Variants in NBPF26 observed in about 807,000 individuals in gnomAD.
The protein encoded by NBPF26 is NBPF member 26.
NBPF26 carries 79 observed loss-of-function variants against 119.6 expected under a neutral mutation model. The ratio of observed to expected loss-of-function variants is 0.66; its 90% CI spans 0.55 to 0.80. The LOEUF (loss-of-function observed/expected upper bound fraction) is 0.80. NBPF26 is among the 30% of genes least tolerant of loss of function. The pLI is 0.00. For synonymous variants in NBPF26, 299 were observed against 457.7 expected (o/e 0.65, Z 4.43); for missense variants, 800 against 1,198.2 (o/e 0.67, Z 4.91).
chr1:120,765,263 CTTG>C lies in NBPF26; in HGVS notation c.155+1557_155+1559del, dbSNP rs1403245675. ...ATACCTTAGAGTAGGCCACTGAAAT[CTTG>C]TTTAGTCTTTTTGTGGCATTTGGTG... On this transcript the variant is annotated intron_variant, in intron 2 of 29. Transcript: ENST00000620612. Among the ~76,000 whole-genome samples the C allele has an allele frequency of 2.2e-5, 2 of 90,358 alleles. 1 individual carries two copies. Among genetic ancestry groups the C allele is most frequent in the Non-Finnish European group, 4.1e-5 (2 of 48,532 alleles). The allele number at this position is 90,358 out of a possible 152,430, so 59.3% of individuals were successfully genotyped here. A position where few individuals can be genotyped will look rare whatever the true frequency, so the allele number is the denominator to read the frequency against.
chr1:120,734,407 T>C (rs1394676565), intron 1 of NBPF26, among the ~76,000 whole-genome samples: 2 of 91,782 alleles, frequency 2.2e-5, no homozygotes, highest in Non-Finnish European at 4.1e-5. Flanking sequence ...CAATATTTTC[T>C]TTTTTTTTTT....
At chr1:120,783,431 A>G (rs1651387904) in intron 2 of NBPF26, among the ~76,000 whole-genome samples, 1 of 21,564 alleles carries the variant, frequency 4.6e-5, no homozygotes, top group Non-Finnish European at 7.6e-5. Context: ...TCAGTTAACA[A>G]GTCTTGTCAG....
At chr1:120,801,564 TTACTCCTG>T (rs1657666107) in intron 4 of NBPF26, among the ~76,000 whole-genome samples, 1 of 97,518 alleles carries the variant, frequency 1.0e-5, no homozygotes, top group South Asian at 3.0e-4. Context: ...GCTCAGTGGT[TTACTCCTG>T]TAATCCCAGC....
exon 30 of NBPF26, chr1:120,840,358 G>A (rs1553273411): frequency 1.4e-6 from 2 of 1,450,620 alleles, no homozygotes; most frequent in Non-Finnish European, 1.8e-6. Flanking sequence ...AGGCTCAACA[G>A]CATGCTGATG....
At chr1:120,805,628 C>T in exon 5 of NBPF26, 1 of 1,462,564 alleles carries the variant, frequency 6.8e-7, no homozygotes, top group Non-Finnish European at 9.2e-7. Flanking sequence ...AGTGAGAAGG[C>T]AGAGATGAAC....
chr1:120,804,407 A>C (rs1651625894), intron 4 of NBPF26, among the ~76,000 whole-genome samples: 1 of 90,212 alleles, frequency 1.1e-5, no homozygotes, highest in Admixed American at 1.1e-4. Flanking sequence ...AATGCAACCC[A>C]AAATCAATGG....
chr1:120,758,236 C>T lies in NBPF26; in HGVS notation c.74-5392C>T. 1.7e-5 allele frequency among the ~76,000 whole-genome samples: 2 copies of T among 120,790 alleles called. 1 individual carries two copies. The highest frequency in any genetic ancestry group is 8.4e-5 in the African/African-American group (2 of 23,730). 79.2% of individuals were successfully genotyped at this position (120,790 alleles called of 152,430 possible). A position where few individuals can be genotyped will look rare whatever the true frequency, so the allele number is the denominator to read the frequency against. On this transcript the variant is annotated intron_variant, in intron 1 of 29. Coordinates refer to ENST00000620612, the Ensembl canonical transcript of NBPF26. ...CTGATCTGGAAGGCCAGCATGGGAG[C>T]CTAGACTGGTTAAAGTAAGAAATGG...
Position 120,815,170 on chromosome 1 carries a change from T to C in NBPF26, c.2092+127T>C, listed in dbSNP as rs1332160297. On this transcript the variant is annotated intron_variant, in intron 12 of 29. Transcript: ENST00000620612. ...CCACTAAGCTTATGTGGCCATGACA[T>C]GACCAGGACTTCTTGGGTAAGAACA... 2.5e-5 allele frequency: 20 copies of C among 787,936 alleles called. 3 individuals are homozygous for C. Among genetic ancestry groups the C allele is most frequent in the African/African-American group, 1.1e-4 (3 of 27,072 alleles). 48.8% of individuals were successfully genotyped at this position (787,936 alleles called of 1,614,324 possible). A position where few individuals can be genotyped will look rare whatever the true frequency, so the allele number is the denominator to read the frequency against.
chr1:120,840,688 A>T (rs1275227251), downstream of NBPF26: 1 of 1,366,626 alleles, frequency 7.3e-7, no homozygotes, highest in South Asian at 1.3e-5. Flanking sequence ...TTGGAAGCCC[A>T]GACATAGGAT....
At chr1:120,745,140 A>C (rs1396749410) in intron 1 of NBPF26, among the ~76,000 whole-genome samples, 1 of 100,884 alleles carries the variant, frequency 9.9e-6, no homozygotes, top group Non-Finnish European at 1.8e-5. Flanking sequence ...AAAACAAAAA[A>C]AAAACAAAAA....
At chr1:120,833,367 C>CTCTCTG (rs1553273002) in intron 23 of NBPF26, among the ~76,000 whole-genome samples, 568 of 38,668 alleles carry the variant, frequency 0.015, 41 homozygotes, top group Non-Finnish European at 0.018. Flanking sequence ...AGGTCACTTT[C>CTCTCTG]TCTCTGTCTC....
rs1259607445 is a variant in NBPF26 at position 120,810,002 on chromosome 1, T to C, written c.1352+119T>C. 113 of 1,423,684 alleles carry C rather than the reference T, an allele frequency of 7.9e-5. No individual in the cohort carries two copies. The East Asian group carries it at 1.7e-3, about 22-fold the overall frequency. 88.2% of individuals were successfully genotyped at this position (1,423,684 alleles called of 1,614,324 possible). ...CCCACATCCCCTTGGCCACAGTATG[T>C]GAAATTCAACCCAGCTTAGACACAG... On this transcript the variant is annotated intron_variant, in intron 8 of 29. Transcript: ENST00000620612.
intron 2 of NBPF26, among the ~76,000 whole-genome samples, chr1:120,770,184 T>A (rs1468838216): frequency 1.0e-5 from 1 of 97,892 alleles, no homozygotes; most frequent in Admixed American, 1.0e-4. Context: ...TGTTGTTTTT[T>A]TTTGAGACAG....
At position 120,816,781 on chromosome 1, in the gene NBPF26, C is replaced by G; in HGVS notation, c.2325C>G (p.Gly775=). 14 of 1,422,060 alleles carry G rather than the reference C, an allele frequency of 9.8e-6. 3 individuals carry two copies. The Middle Eastern group carries it at 6.9e-4, about 70-fold the overall frequency. The allele number at this position is 1,422,060 out of a possible 1,614,324, so 88.1% of individuals were successfully genotyped here. The change falls in exon 14 of 30, where the codon GGC becomes GGG. Residue 775 remains glycine (G), a synonymous_variant. Coordinates refer to ENST00000620612, the Ensembl canonical transcript of NBPF26. ...ACAAAGTCGACTCAACTCTCATTGG[C>G]TCATCCTCTCATGTTGAATGGGAGG...
At position 120,805,431 on chromosome 1, in the gene NBPF26, G is replaced by T; in HGVS notation, c.752-125G>T. On this transcript the variant is annotated intron_variant, in intron 4 of 29. Coordinates refer to ENST00000620612, the Ensembl canonical transcript of NBPF26. Reference sequence around the variant, plus strand: ...GTGAAGGATCCTAAAGTGCTGTGGGGAGTGATCACATTTTTCACAACAGTA... The same window carrying T: ...GTGAAGGATCCTAAAGTGCTGTGGGTAGTGATCACATTTTTCACAACAGTA... 2.3e-6 allele frequency: 3 copies of T among 1,325,548 alleles called. 1 individual carries two copies. The highest frequency in any genetic ancestry group is 1.3e-5 in the South Asian group (1 of 76,510). The allele number at this position is 1,325,548 out of a possible 1,614,324, so 82.1% of individuals were successfully genotyped here.
chr1:120,815,540 C>T (rs1318509710), intron 12 of NBPF26, among the ~76,000 whole-genome samples: 2,478 of 98,892 alleles, frequency 0.025, 180 homozygotes, highest in East Asian at 0.062. Flanking sequence ...TGAAGTCCCT[C>T]GCCGTGTGAT....
chr1:120,831,751 CTGTG>C (rs1315857384), intron 21 of NBPF26, among the ~76,000 whole-genome samples: 20 of 18,374 alleles, frequency 1.1e-3, no homozygotes, highest in Non-Finnish European at 1.1e-3. Flanking sequence ...CTCTCTCTCT[CTGTG>C]TGTGTGTGTG....
rs1553271352 is a variant in NBPF26 at position 120,813,911 on chromosome 1, C to G, written c.1795C>G (p.Leu599Val). The stretch of plus-strand genomic sequence containing the variant: ...CTCAGAATATGAAGAGTGCAAAGAT[C>G]TCATAAAATCTATGCTGAGGAATGA... Residue 599 changes from leucine to valine, a missense_variant, in exon 11 of 30, where the codon CTC becomes GTC. Around this residue, in one of 13 missense-constraint regions of NBPF26, gnomAD observed 12 missense variants for 26.0 expected, o/e 0.46. Transcript: ENST00000620612. 292 of 1,506,212 alleles carry G rather than the reference C, an allele frequency of 1.9e-4. 17 individuals are homozygous for G. The South Asian group carries it at 2.9e-3, about 15-fold the overall frequency. The allele number at this position is 1,506,212 out of a possible 1,614,324, so 93.3% of individuals were successfully genotyped here. A position where few individuals can be genotyped will look rare whatever the true frequency, so the allele number is the denominator to read the frequency against.
chr1:120,794,809 CT>C (rs1280419179), intron 4 of NBPF26, among the ~76,000 whole-genome samples: 1 of 32,276 alleles, frequency 3.1e-5, no homozygotes, highest in Non-Finnish European at 5.2e-5. Flanking sequence ...TTTAGTTTCT[CT>C]TTTAATAAAG....
Sources: gnomAD v4.1 joint callset for allele counts (sites outside exome capture counted in the v4.1 genomes callset) on GRCh38, gnomAD v4.1.1 for gene constraint, gnomAD v4.1.1 regional missense constraint, MANE v1.5 for transcripts, NCBI Gene and HGNC (gene_info 2026-07-23, HGNC 2026-07-21) for gene names.